RNF135: variants seen among roughly 807,000 people sequenced by gnomAD.
RNF135 encodes the protein E3 ubiquitin-protein ligase RNF135.
Under a neutral mutation model 41.9 loss-of-function variants are expected in RNF135, and 46 were observed. The ratio of observed to expected loss-of-function variants is 1.10; its 90% confidence interval spans 0.87 to 1.40. The LOEUF (loss-of-function observed/expected upper bound fraction) is 1.40, where lower values mean the gene tolerates loss of function less well. Ranked by LOEUF, RNF135 falls within the 40% of genes most tolerant of loss-of-function variation. The pLI is 0.00. For synonymous variants in RNF135, 238 were observed against 223.8 expected (o/e 1.06, Z -0.57); for missense variants, 539 against 549.8 (o/e 0.98, Z 0.20).
upstream of RNF135, among the ~76,000 whole-genome samples, chr17:30,966,815 G>A (rs1346429233): frequency 6.6e-6 from 1 of 151,300 alleles, no homozygotes. Context: ...TCAAATTCTT[G>A]CTTTCAACAA....
Position 30,975,638 on chromosome 17 carries a change from A to G in RNF135, c.372+4193A>G, listed in dbSNP as rs1390441750. Reference sequence around the variant, plus strand: ...AAAGCATATTCAGCAAAAACAAGAAACTCCACAACCGCCAATACCGGAGGG... The same window carrying G: ...AAAGCATATTCAGCAAAAACAAGAAGCTCCACAACCGCCAATACCGGAGGG... On this transcript the variant is annotated intron_variant, in intron 1 of 4. Coordinates refer to ENST00000328381, the MANE Select transcript of RNF135 (RefSeq NM_032322.4). 8.0e-6 allele frequency: 9 copies of G among 1,131,534 alleles called. No individual in the cohort carries two copies. In the South Asian group the frequency reaches 1.1e-4, roughly 14 times the overall value. The allele number at this position is 1,131,534 out of a possible 1,614,324, so 70.1% of individuals were successfully genotyped here.
intron 1 of RNF135, among the ~76,000 whole-genome samples, chr17:30,984,405 C>T (rs1907436590): frequency 6.6e-6 from 1 of 152,172 alleles, no homozygotes; most frequent in African/African-American, 2.4e-5. Flanking sequence ...GTTGAAAAAA[C>T]TGTCCTTTCT....
chr17:30,962,625 C>T, the RNF135 span, among the ~76,000 whole-genome samples: 39 of 152,020 alleles, frequency 2.6e-4, no homozygotes, highest in African/African-American at 8.5e-4. Flanking sequence ...CTACCACGCC[C>T]GGCTACTTTT....
At position 30,984,676 on chromosome 17, in the gene RNF135, T is replaced by C. The variant is rs1182012578; in HGVS notation, c.432T>C (p.His144=). 8 of 1,614,106 alleles carry C rather than the reference T, an allele frequency of 5.0e-6. No homozygotes were observed. The highest frequency in any genetic ancestry group is 3.3e-5 in the Admixed American group (2 of 60,016). The change falls in exon 2 of 5, where the codon CAT becomes CAC. Residue 144 remains histidine, a synonymous_variant. Transcript: ENST00000328381. ...AGGAGCTGACAGAGCTGGTGGAACA[T>C]CTTGTAGACATTGTCAGAAGCCTGC... The part of the protein sequence containing the change: ...VAQELTELVE[H]LVDIVRSLQN...
the RNF135 span, among the ~76,000 whole-genome samples, chr17:30,963,093 CTTTTTTTTTTTT>C: frequency 1.0e-5 from 1 of 99,388 alleles, no homozygotes; most frequent in African/African-American, 5.7e-5. Flanking sequence ...GATTCCCTAG[CTTTTTTTTTTTT>C]TTTTTTTTTT....
rs1240853682 is a variant in RNF135 at position 30,988,927 on chromosome 17, T to TC, written c.679+821_679+822insC. Among the ~76,000 whole-genome samples, 6 of 106,790 alleles carry TC rather than the reference T, an allele frequency of 5.6e-5. No individual in the cohort carries two copies. In the African/African-American group the frequency reaches 7.9e-4, roughly 14 times the overall value. 70.1% of individuals were successfully genotyped at this position (106,790 alleles called of 152,430 possible). A position where few individuals can be genotyped will look rare whatever the true frequency, so the allele number is the denominator to read the frequency against. On this transcript the variant is annotated intron_variant, in intron 3 of 4. Transcript: ENST00000328381. ...TTTTTTTTTCTTTTCTTTCTTTCTT[T>TC]TTTTTTTTTTTTTTTTTAAGTAGAG...
rs150994939 is a variant in RNF135 at position 30,984,739 on chromosome 17, C to T, written c.495C>T (p.Asn165=). 5.1e-5 allele frequency: 82 copies of T among 1,613,966 alleles called. 1 individual carries two copies. The African/African-American group carries it at 8.4e-4, about 17-fold the overall frequency. Reference sequence around the variant, plus strand: ...CCCTATCAGAATCTGGACCAGACAACGAACTGAGCATCCTGGGCAAGGTAG... The same window carrying T: ...CCCTATCAGAATCTGGACCAGACAATGAACTGAGCATCCTGGGCAAGGTAG... ...QRPLSESGPD[N]ELSILGKAFS... The change falls in exon 2 of 5, where the codon AAC becomes AAT. Residue 165 remains asparagine, a synonymous_variant. Transcript: ENST00000328381.
intron 1 of RNF135, among the ~76,000 whole-genome samples, chr17:30,976,922 T>G (rs1906511328): frequency 6.6e-6 from 1 of 152,246 alleles, no homozygotes; most frequent in African/African-American, 2.4e-5. Flanking sequence ...TTGAAGATTT[T>G]TGTTCATTTA....
intron 3 of RNF135, 31 bp downstream of exon 3, chr17:30,988,137 T>A (rs1388404383): frequency 6.2e-7 from 1 of 1,608,870 alleles, no homozygotes; most frequent in African/African-American, 1.3e-5. Context: ...GGAGGAGGAT[T>A]AAATATGGAA....
At chr17:30,980,721 G>A (rs1907062546) in intron 1 of RNF135, among the ~76,000 whole-genome samples, 1 of 140,102 alleles carries the variant, frequency 7.1e-6, no homozygotes, top group African/African-American at 2.7e-5. Flanking sequence ...TCACATCCCA[G>A]ACAGGGCGGT....
intron 3 of RNF135, among the ~76,000 whole-genome samples, chr17:30,995,226 A>T (rs1908263670): frequency 6.6e-6 from 1 of 152,050 alleles, no homozygotes. Flanking sequence ...TCTCTACTAA[A>T]AATACAAAAA....
the RNF135 span, among the ~76,000 whole-genome samples, chr17:30,962,322 T>C: frequency 2.6e-5 from 4 of 151,874 alleles, no homozygotes; most frequent in East Asian, 1.9e-4. Context: ...TTAGTAGATA[T>C]GAGGTTTCAC....
At chr17:30,973,188 A>T (rs1906141486) in intron 1 of RNF135, 1 of 152,040 alleles carries the variant, frequency 6.6e-6, no homozygotes, top group Non-Finnish European at 1.5e-5. Flanking sequence ...AAGTCCTTTG[A>T]CCATTTTAAA....
At chr17:30,983,566 A>G (rs540145699) in intron 1 of RNF135, among the ~76,000 whole-genome samples, 1 of 150,756 alleles carries the variant, frequency 6.6e-6, no homozygotes, top group Non-Finnish European at 1.5e-5. Flanking sequence ...GTTGGCCAGG[A>G]TGATCTCGAA....
intron 4 of RNF135, among the ~76,000 whole-genome samples, chr17:30,998,127 T>A (rs1598105826): frequency 6.6e-6 from 1 of 152,192 alleles, no homozygotes; most frequent in African/African-American, 2.4e-5. Context: ...GCCAGGCTGG[T>A]CTTGACCTCC....
chr17:30,989,737 T>C (rs1485579000), intron 3 of RNF135, among the ~76,000 whole-genome samples: 5 of 152,140 alleles, frequency 3.3e-5, no homozygotes, highest in African/African-American at 9.7e-5. Context: ...CAGTGGCTTA[T>C]GCCTGTAATC....
chr17:30,985,427 A>T (rs940830483), intron 2 of RNF135, among the ~76,000 whole-genome samples: 4 of 152,128 alleles, frequency 2.6e-5, no homozygotes, highest in Non-Finnish European at 4.4e-5. Context: ...GGGATTTCTC[A>T]TCTCAATGCT....
intron 1 of RNF135, among the ~76,000 whole-genome samples, chr17:30,979,944 C>G (rs1407195339): frequency 4.6e-5 from 4 of 87,390 alleles, no homozygotes; most frequent in Non-Finnish European, 9.5e-5. Flanking sequence ...CGGGCAGAGG[C>G]GCCCCTCACC....
intron 1 of RNF135, among the ~76,000 whole-genome samples, chr17:30,983,353 A>ATATAT (rs1420453160): frequency 1.4e-4 from 5 of 35,736 alleles, no homozygotes; most frequent in Non-Finnish European, 2.1e-4. Flanking sequence ...ATATATATAT[A>ATATAT]TTTTTTTTTT....
Sources: gnomAD v4.1 joint callset for allele counts (sites outside exome capture counted in the v4.1 genomes callset) on GRCh38, gnomAD v4.1.1 for gene constraint, MANE v1.5 for transcripts, NCBI Gene and HGNC (gene_info 2026-07-23, HGNC 2026-07-21) for gene names.